AGBL1: variants seen among roughly 807,000 people sequenced by gnomAD.
AGBL1 encodes the protein cytosolic carboxypeptidase 4.
In AGBL1, 130 loss-of-function variants were observed where a neutral mutation model predicts 118.9. The observed-to-expected ratio is 1.09, with a 90% CI of 0.95 to 1.26. AGBL1 has a LOEUF of 1.26. Among genes scored for constraint, AGBL1 ranks in the 50% most tolerant of loss-of-function variants. The pLI, the probability that AGBL1 is intolerant of heterozygous loss-of-function variation, is 0.00. For missense variants in AGBL1, 1,584 were observed against 1,298.1 expected, an observed-to-expected ratio of 1.22 and a Z score of -3.38; for synonymous variants, 555 against 478.9, an observed-to-expected ratio of 1.16 and a Z score of -2.08.
chr15:86,608,988 T>TATAG (rs2084621926), intron 21 of AGBL1, among the ~76,000 whole-genome samples: 1 of 152,174 alleles, frequency 6.6e-6, no homozygotes, highest in Non-Finnish European at 1.5e-5. Flanking sequence ...AAGGTGGCTA[T>TATAG]GTGGAATATG....
intron 21 of AGBL1, among the ~76,000 whole-genome samples, chr15:86,598,423 A>G (rs2084441834): frequency 6.6e-6 from 1 of 152,098 alleles, no homozygotes; most frequent in South Asian, 2.1e-4. Flanking sequence ...TTTTTCCTTA[A>G]TGCAAAATAT....
Position 86,715,504 on chromosome 15 carries a change from A to AT in AGBL1, c.3158+41072dup, listed in dbSNP as rs202052606. The stretch of plus-strand genomic sequence containing the variant: ...CCCATTTTCATGGTGATTTAGTCTT[A>AT]TTTTACCTTTCTTTGGGTCTTTAGC... On this transcript the variant is annotated intron_variant, in intron 22 of 22. Coordinates refer to ENST00000614907, the MANE Select transcript of AGBL1 (RefSeq NM_001386094.1). Among the ~76,000 whole-genome samples the AT allele has an allele frequency of 8.5e-5, 13 of 152,240 alleles. No homozygotes were observed. The East Asian group carries it at 2.5e-3, about 29-fold the overall frequency.
At position 86,279,782 on chromosome 15, in the gene AGBL1, T is replaced by C. The variant is rs2079319395; in HGVS notation, c.2219T>C (p.Met740Thr). ...TATCCCTATACCTACACAGCCCTCATGGTAACTTCCTCTTTATAGCATCAC... is the reference window on the plus strand; with the variant it reads ...TATCCCTATACCTACACAGCCCTCACGGTAACTTCCTCTTTATAGCATCAC... ...YHYPYTYTAL[M>T]THLDILEKSV... The change falls in exon 16 of 23, where the codon ATG (methionine) becomes ACG (threonine). Residue 740 changes from methionine to threonine, a missense_variant and splice_region_variant. Coordinates refer to ENST00000614907, the MANE Select transcript of AGBL1 (RefSeq NM_001386094.1). The C allele has an allele frequency of 6.2e-7, 1 of 1,613,582 alleles. No individual in the cohort carries two copies. The highest frequency in any genetic ancestry group is 1.3e-5 in the African/African-American group (1 of 75,012).
intron 22 of AGBL1, among the ~76,000 whole-genome samples, chr15:86,855,659 C>G (rs2079468606): frequency 6.6e-6 from 1 of 152,216 alleles, no homozygotes; most frequent in Non-Finnish European, 1.5e-5. Flanking sequence ...AGTTACTAGG[C>G]TGCATTTATT....
chr15:86,918,732 T>A (rs979725465), downstream of AGBL1, among the ~76,000 whole-genome samples: 1 of 152,210 alleles, frequency 6.6e-6, no homozygotes, highest in Non-Finnish European at 1.5e-5. Flanking sequence ...TAGTTGATGA[T>A]GTGTATGGGA....
rs150950077 is a variant in AGBL1 at position 86,593,740 on chromosome 15, C to T, written c.2994+39203C>T. Among the ~76,000 whole-genome samples the T allele has an allele frequency of 7.7e-3, 1,165 of 152,206 alleles. 3 individuals carry two copies. Among genetic ancestry groups the T allele is most frequent in the Non-Finnish European group, 0.013 (877 of 68,004 alleles). On this transcript the variant is annotated intron_variant, in intron 21 of 22. Coordinates refer to ENST00000614907, the MANE Select transcript of AGBL1 (RefSeq NM_001386094.1). ...ATATTTCCAATATTCCAAGAAGTTC[C>T]CTCCTACTACTTTGTAGTTAATCCT...
At chr15:86,576,981 G>T (rs983367375) in intron 21 of AGBL1, among the ~76,000 whole-genome samples, 1 of 152,130 alleles carries the variant, frequency 6.6e-6, no homozygotes, top group African/African-American at 2.4e-5. Context: ...GCATGAAATT[G>T]TACAGTAGAT....
At chr15:86,950,830 A>T (rs1261282278) in intron 23 of AGBL1, among the ~76,000 whole-genome samples, 1 of 152,170 alleles carries the variant, frequency 6.6e-6, no homozygotes, top group African/African-American at 2.4e-5. Flanking sequence ...TGTTCTCAAC[A>T]TCATTAATCA....
At chr15:86,926,936 C>T (rs1230581134) in intron 23 of AGBL1, among the ~76,000 whole-genome samples, 20 of 151,782 alleles carry the variant, frequency 1.3e-4, no homozygotes, top group Admixed American at 6.6e-5. Context: ...GTCAGGAGTT[C>T]GAGACTAATC....
At chr15:86,175,207 G>A (rs911659933) in intron 5 of AGBL1, among the ~76,000 whole-genome samples, 3 of 151,914 alleles carry the variant, frequency 2.0e-5, no homozygotes, top group Non-Finnish European at 4.4e-5. Flanking sequence ...TTATTATTCT[G>A]TTCAGATTTC....
intron 22 of AGBL1, among the ~76,000 whole-genome samples, chr15:86,676,441 TGACA>T (rs1241321367): frequency 6.6e-6 from 1 of 152,110 alleles, no homozygotes; most frequent in Non-Finnish European, 1.5e-5. Context: ...CACAAAAAGA[TGACA>T]GAGAGAAAAA....
intron 1 of AGBL1, among the ~76,000 whole-genome samples, chr15:86,113,945 G>GT (rs1227220921): frequency 2.0e-5 from 3 of 152,110 alleles, no homozygotes; most frequent in African/African-American, 7.2e-5. Context: ...TGTTATATTG[G>GT]TTCTTTGAAA....
rs2077164124 is a variant in AGBL1, at chr15:86,154,638, G to T, written c.394+77G>T. On this transcript the variant is annotated intron_variant, in intron 4 of 22. Coordinates refer to ENST00000614907, the MANE Select transcript of AGBL1 (RefSeq NM_001386094.1). ...ACACATGGAAACTGCATGAGGGTCT[G>T]GTTGGAAGAAAAGCATGGGTGAGAG... is the stretch of plus-strand genomic sequence containing the variant. 5 of 1,488,894 alleles carry T rather than the reference G, an allele frequency of 3.4e-6. No homozygotes were observed. The Admixed American group carries it at 6.6e-5, about 20-fold the overall frequency. 92.2% of individuals were successfully genotyped at this position (1,488,894 alleles called of 1,614,324 possible).
At position 86,142,042 on chromosome 15, in the gene AGBL1, G is replaced by A. The variant is rs1488120609; in HGVS notation, c.90G>A (p.Lys30=). 6.5e-7 allele frequency: 1 copy of A among 1,550,180 alleles called. No homozygotes were observed. Among genetic ancestry groups the A allele is most frequent in the Admixed American group, 2.0e-5 (1 of 50,976 alleles). The change falls in exon 2 of 23, where the codon AAG becomes AAA. Residue 30 remains lysine (K), a synonymous_variant. Transcript: ENST00000614907. The part of the protein sequence containing the change: ...SDKESILTIL[K]VLGDLLSVGT... ...AGGAGTCCATCCTGACCATCCTCAAGGTCCTCGGAGATCTGCTTTCTGTTG... is the reference window on the plus strand; with the variant it reads ...AGGAGTCCATCCTGACCATCCTCAAAGTCCTCGGAGATCTGCTTTCTGTTG...
In AGBL1 at chr15:86,264,584, T is replaced by G. The variant is rs369799818; in HGVS notation, c.1413T>G (p.Asp471Glu). Reference sequence around the variant, plus strand: ...CGAAAGCAGATGCCTGGGACGTAGATGCAATTTTCTGCCCAAGGATGAGTG... The same window carrying G: ...CGAAAGCAGATGCCTGGGACGTAGAGGCAATTTTCTGCCCAAGGATGAGTG... Reference protein sequence around the residue: ...ASPKADAWDVDAIFCPRMSAS... With the variant: ...ASPKADAWDVEAIFCPRMSAS... Residue 471 changes from aspartate to glutamate, a missense_variant, in exon 11 of 23, where the codon GAT (aspartate) becomes GAG (glutamate). Transcript: ENST00000614907. 1 of 1,613,832 alleles carries G rather than the reference T, an allele frequency of 6.2e-7. No homozygotes were observed. The highest frequency in any genetic ancestry group is 1.3e-5 in the African/African-American group (1 of 74,912).
chr15:86,882,361 A>C (rs776587134), intron 22 of AGBL1, among the ~76,000 whole-genome samples: 14 of 152,190 alleles, frequency 9.2e-5, no homozygotes, highest in Non-Finnish European at 1.9e-4. Context: ...ATAATAAAAC[A>C]TCTCTATGTA....
intron 22 of AGBL1, among the ~76,000 whole-genome samples, chr15:86,680,435 C>T (rs1434617752): frequency 1.3e-5 from 2 of 152,008 alleles, no homozygotes. Flanking sequence ...ATGGGTAACA[C>T]ATTAAAACAA....
chr15:87,004,979 G>T (rs1422275991), intron 24 of AGBL1, among the ~76,000 whole-genome samples: 1 of 152,156 alleles, frequency 6.6e-6, no homozygotes, highest in East Asian at 1.9e-4. Flanking sequence ...GAAATTCTGG[G>T]TTGAAAATTA....
chr15:86,536,513 G>C (rs2083427881), intron 19 of AGBL1, among the ~76,000 whole-genome samples: 1 of 152,130 alleles, frequency 6.6e-6, no homozygotes, highest in African/African-American at 2.4e-5. Context: ...GTTTCACCAT[G>C]TTGGCTAGGA....
Sources: gnomAD v4.1 joint callset for allele counts (sites outside exome capture counted in the v4.1 genomes callset) on GRCh38, gnomAD v4.1.1 for gene constraint, MANE v1.5 for transcripts, NCBI Gene and HGNC (gene_info 2026-07-23, HGNC 2026-07-21) for gene names.